EFCAB11: variants seen among roughly 807,000 people sequenced by gnomAD.
EFCAB11 encodes the protein EF-hand calcium binding domain 11.
A neutral mutation model predicts 23.0 loss-of-function variants in EFCAB11; 14 were observed. The observed-to-expected ratio is 0.61, with a 90% CI of 0.40 to 0.95. EFCAB11 has a LOEUF of 0.95. Among genes scored for constraint, EFCAB11 ranks in the 40% least tolerant of loss-of-function variants. The pLI is 0.00. For synonymous variants in EFCAB11, 65 were observed against 66.6 expected (o/e 0.98, Z 0.11); for missense variants, 198 against 195.8 (o/e 1.01, Z -0.07).
At chr14:89,937,536 T>C (rs1380692967) in intron 3 of EFCAB11, among the ~76,000 whole-genome samples, 2 of 152,106 alleles carry the variant, frequency 1.3e-5, no homozygotes, top group Non-Finnish European at 2.9e-5. Flanking sequence ...AACATATATA[T>C]ATATATTTTA....
intron 5 of EFCAB11, among the ~76,000 whole-genome samples, chr14:89,857,386 G>A (rs1887785627): frequency 6.6e-6 from 1 of 152,206 alleles, no homozygotes; most frequent in South Asian, 2.1e-4. Context: ...ATGAAGAATT[G>A]AAAGAAAACT....
intron 5 of EFCAB11, among the ~76,000 whole-genome samples, chr14:89,850,885 T>C (rs1887582386): frequency 6.6e-6 from 1 of 152,198 alleles, no homozygotes; most frequent in Non-Finnish European, 1.5e-5. Flanking sequence ...ATCTGTATTA[T>C]AATTCCTAAT....
At chr14:89,900,453 C>T (rs2140201905) in intron 5 of EFCAB11, among the ~76,000 whole-genome samples, 2 of 152,260 alleles carry the variant, frequency 1.3e-5, no homozygotes, top group East Asian at 3.9e-4. Flanking sequence ...TTGAATATTT[C>T]ATATATGCAT....
At chr14:89,951,367 T>C (rs1053310916) in intron 2 of EFCAB11, among the ~76,000 whole-genome samples, 120 of 152,324 alleles carry the variant, frequency 7.9e-4, no homozygotes, top group African/African-American at 2.5e-3. Context: ...TAGATACTTA[T>C]CAGAGTAGTC....
At chr14:89,882,490 T>C (rs759439743) in intron 5 of EFCAB11, among the ~76,000 whole-genome samples, 10 of 152,244 alleles carry the variant, frequency 6.6e-5, no homozygotes, top group Non-Finnish European at 1.3e-4. Flanking sequence ...TTTCATTTCA[T>C]CCAGGTGAAA....
At chr14:89,880,099 T>C (rs1380673175) in intron 5 of EFCAB11, among the ~76,000 whole-genome samples, 1 of 152,244 alleles carries the variant, frequency 6.6e-6, no homozygotes, top group Non-Finnish European at 1.5e-5. Context: ...GACTCGGCTA[T>C]GTTCTGAACA....
At chr14:89,905,144 A>G (rs542070488) in intron 5 of EFCAB11, among the ~76,000 whole-genome samples, 5 of 152,314 alleles carry the variant, frequency 3.3e-5, no homozygotes, top group South Asian at 4.1e-4. Context: ...ACTGTATCCT[A>G]TGAGTACATG....
At chr14:89,921,055 ACT>A (rs1248021990) in intron 5 of EFCAB11, among the ~76,000 whole-genome samples, 4 of 147,890 alleles carry the variant, frequency 2.7e-5, no homozygotes, top group Non-Finnish European at 5.9e-5. Flanking sequence ...ACAAAGTGAG[ACT>A]CTGTCTAAAA....
intron 2 of EFCAB11, among the ~76,000 whole-genome samples, chr14:89,951,302 CCA>C (rs1229883498): frequency 3.3e-5 from 5 of 152,100 alleles, no homozygotes; most frequent in Non-Finnish European, 7.4e-5. Context: ...CTTACCACCA[CCA>C]CATCCAATCA....
intron 5 of EFCAB11, among the ~76,000 whole-genome samples, chr14:89,807,372 A>G (rs1886002682): frequency 6.6e-6 from 1 of 152,250 alleles, no homozygotes. Context: ...GAAAGCAACA[A>G]GTTCATCTCC....
Position 89,879,805 on chromosome 14 carries a change from C to G in EFCAB11, c.410+51736G>C, listed in dbSNP as rs372833853. ...AGATTACCCAATATTCAGCTTGACCCACTCTGAGTATAACCTTATAAGCCT... is the reference window on the plus strand; with the variant it reads ...AGATTACCCAATATTCAGCTTGACCGACTCTGAGTATAACCTTATAAGCCT... On this transcript the variant is annotated intron_variant, in intron 5 of 5. Coordinates refer to ENST00000316738, the MANE Select transcript of EFCAB11 (RefSeq NM_145231.4). Among the ~76,000 whole-genome samples, 73 of 152,244 alleles carry G rather than the reference C, an allele frequency of 4.8e-4. No homozygotes were observed. In the South Asian group the frequency reaches 0.014, roughly 29 times the overall value.
intron 5 of EFCAB11, among the ~76,000 whole-genome samples, chr14:89,883,125 A>T (rs1888653725): frequency 6.6e-6 from 1 of 152,216 alleles, no homozygotes; most frequent in African/African-American, 2.4e-5. Flanking sequence ...CTCTCCAGCC[A>T]TCAGAATTTT....
intron 5 of EFCAB11, among the ~76,000 whole-genome samples, chr14:89,926,836 A>G (rs540844123): frequency 3.3e-5 from 5 of 152,332 alleles, no homozygotes; most frequent in South Asian, 2.1e-4. Flanking sequence ...CTTGAGGATA[A>G]ACTTCAGCTA....
intron 5 of EFCAB11, among the ~76,000 whole-genome samples, chr14:89,918,165 C>CA (rs1305065497): frequency 2.0e-5 from 3 of 150,540 alleles, no homozygotes; most frequent in East Asian, 3.9e-4. Flanking sequence ...TGTCTTAGAT[C>CA]AAAAAAAGGG....
intron 5 of EFCAB11, among the ~76,000 whole-genome samples, chr14:89,867,949 C>T (rs976408227): frequency 2.0e-5 from 3 of 152,176 alleles, no homozygotes; most frequent in Non-Finnish European, 4.4e-5. Context: ...TAACAGAAGC[C>T]TTAGACATCA....
chr14:89,846,501 C>T (rs1204368995), intron 5 of EFCAB11, among the ~76,000 whole-genome samples: 1 of 152,224 alleles, frequency 6.6e-6, no homozygotes, highest in African/African-American at 2.4e-5. Flanking sequence ...TTCAGCTCTT[C>T]AATTCTGATG....
At chr14:89,911,241 A>G (rs1889665550) in intron 5 of EFCAB11, among the ~76,000 whole-genome samples, 1 of 152,244 alleles carries the variant, frequency 6.6e-6, no homozygotes, top group Non-Finnish European at 1.5e-5. Flanking sequence ...AAATCAAATA[A>G]ATAGGCATTG....
intron 5 of EFCAB11, among the ~76,000 whole-genome samples, chr14:89,895,697 A>G (rs1344949125): frequency 6.6e-6 from 1 of 152,240 alleles, no homozygotes; most frequent in Admixed American, 6.5e-5. Context: ...TGTAAATTTT[A>G]TGAAGAAAAT....
chr14:89,890,876 G>A (rs1397739045), intron 5 of EFCAB11, among the ~76,000 whole-genome samples: 1 of 152,184 alleles, frequency 6.6e-6, no homozygotes, highest in Non-Finnish European at 1.5e-5. Flanking sequence ...CATCTCACAG[G>A]ATAACTTTCC....
Sources: gnomAD v4.1 joint callset for allele counts (sites outside exome capture counted in the v4.1 genomes callset) on GRCh38, gnomAD v4.1.1 for gene constraint, MANE v1.5 for transcripts, NCBI Gene and HGNC (gene_info 2026-07-23, HGNC 2026-07-21) for gene names.